Variants in VPS41 observed in about 807,000 individuals in gnomAD.
The protein encoded by VPS41 is VPS41 subunit of HOPS complex, also known as vacuolar protein sorting-associated protein 41 homolog.
A neutral mutation model predicts 130.9 loss-of-function variants in VPS41; 85 were observed. That is an observed-to-expected ratio of 0.65 (90% CI 0.55 to 0.78). The LOEUF (loss-of-function observed/expected upper bound fraction) is 0.78, where lower values mean the gene tolerates loss of function less well. Ranked by LOEUF, VPS41 falls within the 30% of genes least tolerant of loss-of-function variation. VPS41 has a pLI of 0.00. For synonymous variants in VPS41, 335 were observed against 332.9 expected (o/e 1.01, Z -0.07); for missense variants, 874 against 1,018.7 (o/e 0.86, Z 1.93).
chr7:38,812,508 C>T (rs1784964312), intron 7 of VPS41, among the ~76,000 whole-genome samples: 1 of 151,982 alleles, frequency 6.6e-6, no homozygotes, highest in South Asian at 2.1e-4. Flanking sequence ...GATACAACAC[C>T]AATAGCACAA....
rs1307760595 is a variant in VPS41 at position 38,725,213 on chromosome 7, C to T, written c.*1033G>A. 1 of 152,190 alleles carries T rather than the reference C, an allele frequency of 6.6e-6. No homozygotes were observed. 9.4% of individuals were successfully genotyped at this position (152,190 alleles called of 1,614,324 possible). A position where few individuals can be genotyped will look rare whatever the true frequency, so the allele number is the denominator to read the frequency against. On this transcript the variant is annotated 3_prime_UTR_variant, in exon 29 of 29. Coordinates refer to ENST00000310301, the MANE Select transcript of VPS41 (RefSeq NM_014396.4). ...AGGATGTGTTTTGCGCACTTTTACA[C>T]TCATTAGAGGATGACCATATATCCC...
At chr7:38,836,695 C>T (rs1785503023) in intron 4 of VPS41, among the ~76,000 whole-genome samples, 1 of 151,342 alleles carries the variant, frequency 6.6e-6, no homozygotes, top group Non-Finnish European at 1.5e-5. Context: ...AGTCAATGTG[C>T]ATAAATTGTA....
At chr7:38,844,486 A>T (rs921586488) in intron 4 of VPS41, among the ~76,000 whole-genome samples, 5 of 152,232 alleles carry the variant, frequency 3.3e-5, no homozygotes, top group Non-Finnish European at 7.3e-5. Flanking sequence ...CTATTAGAAT[A>T]TAAACGTCCT....
intron 4 of VPS41, among the ~76,000 whole-genome samples, chr7:38,850,792 A>C (rs1351071978): frequency 6.6e-6 from 1 of 152,226 alleles, no homozygotes; most frequent in Non-Finnish European, 1.5e-5. Flanking sequence ...TCTCAAGAGT[A>C]AACAGCCTCA....
chr7:38,814,378 G>A lies in VPS41; in HGVS notation c.450+3439C>T, dbSNP rs78508701. Among the ~76,000 whole-genome samples the A allele has an allele frequency of 6.6e-5, 10 of 152,212 alleles. No homozygotes were observed. The East Asian group carries it at 9.6e-4, about 15-fold the overall frequency. On this transcript the variant is annotated intron_variant, in intron 7 of 28. Transcript: ENST00000310301. ...GATTATTAAAGAACACAGGCCGGGCGTGGTGGCTCACGCCTGTAAGCCCAG... is the reference window on the plus strand; with the variant it reads ...GATTATTAAAGAACACAGGCCGGGCATGGTGGCTCACGCCTGTAAGCCCAG...
rs182090895 is a variant in VPS41, at chr7:38,800,371, G to A, written c.451-3507C>T. Among the ~76,000 whole-genome samples the A allele has an allele frequency of 2.7e-4, 41 of 152,144 alleles. 2 individuals are homozygous for A. In the East Asian group the frequency reaches 6.6e-3, roughly 24 times the overall value. On this transcript the variant is annotated intron_variant, in intron 7 of 28. Transcript: ENST00000310301. ...ATACATGACAAAGTAATCCTAATTC[G>A]ATAAATGCGTGCTGAAATTTTATAT...
At chr7:38,833,958 T>C (rs1458220926) in intron 4 of VPS41, among the ~76,000 whole-genome samples, 1 of 152,102 alleles carries the variant, frequency 6.6e-6, no homozygotes, top group African/African-American at 2.4e-5. Context: ...AGCCAGCCTA[T>C]AGAGAAAATC....
chr7:38,859,377 C>T (rs1207998821), intron 4 of VPS41, among the ~76,000 whole-genome samples: 1 of 152,020 alleles, frequency 6.6e-6, no homozygotes, highest in East Asian at 1.9e-4. Flanking sequence ...TGTCCTAAGC[C>T]TTCACATTCA....
chr7:38,725,712 G>A lies in VPS41; in HGVS notation c.*534C>T, dbSNP rs1460295347. On this transcript the variant is annotated 3_prime_UTR_variant, in exon 29 of 29. Transcript: ENST00000310301. Reference sequence around the variant, plus strand: ...ATGTTATTCCCAGGTGTCATCAAATGAGTGACAATTTGTACAATGTTTCAT... The same window carrying A: ...ATGTTATTCCCAGGTGTCATCAAATAAGTGACAATTTGTACAATGTTTCAT... 6.5e-6 allele frequency: 1 copy of A among 153,656 alleles called. No individual in the cohort carries two copies. The highest frequency in any genetic ancestry group is 2.4e-5 in the African/African-American group (1 of 41,460). 9.5% of individuals were successfully genotyped at this position (153,656 alleles called of 1,614,324 possible). A position where few individuals can be genotyped will look rare whatever the true frequency, so the allele number is the denominator to read the frequency against.
intron 21 of VPS41, among the ~76,000 whole-genome samples, chr7:38,752,530 C>G (rs1562572033): frequency 6.6e-6 from 1 of 152,180 alleles, no homozygotes. Flanking sequence ...AAACCTGACT[C>G]TGCCACGTAC....
chr7:38,745,533 G>T, intron 23 of VPS41, 26 bp downstream of exon 23: 1 of 1,592,524 alleles, frequency 6.3e-7, no homozygotes, highest in Non-Finnish European at 8.6e-7. Context: ...AGTTTATGGG[G>T]ACCAAAATGA....
intron 4 of VPS41, among the ~76,000 whole-genome samples, chr7:38,836,183 T>C (rs944349055): frequency 2.6e-5 from 4 of 152,068 alleles, no homozygotes; most frequent in Non-Finnish European, 5.9e-5. Flanking sequence ...TTATTTGCTA[T>C]ATTACTCAAA....
intron 7 of VPS41, among the ~76,000 whole-genome samples, chr7:38,806,277 G>T (rs1333031588): frequency 6.6e-6 from 1 of 152,120 alleles, no homozygotes; most frequent in Non-Finnish European, 1.5e-5. Flanking sequence ...AGAATCAATG[G>T]TAGGAAAACA....
At chr7:38,771,280 TAAAAA>T in intron 13 of VPS41, 26 bp from the exon 14 acceptor site, 1 of 1,298,440 alleles carries the variant, frequency 7.7e-7, no homozygotes, top group Non-Finnish European at 1.1e-6. Flanking sequence ...AAGGATGATT[TAAAAA>T]AAAAAAAAAG....
chr7:38,773,111 C>G (rs926621017), intron 12 of VPS41, among the ~76,000 whole-genome samples: 1 of 152,108 alleles, frequency 6.6e-6, no homozygotes, highest in Non-Finnish European at 1.5e-5. Flanking sequence ...CCATGGTCAG[C>G]GATAAATGTT....
chr7:38,736,177 T>C (rs1795759567), intron 25 of VPS41, among the ~76,000 whole-genome samples: 1 of 152,198 alleles, frequency 6.6e-6, no homozygotes, highest in South Asian at 2.1e-4. Flanking sequence ...AAACAAAAGA[T>C]ATTTTAGAGA....
At chr7:38,758,039 G>GCCTT (rs1783837400) in intron 18 of VPS41, among the ~76,000 whole-genome samples, 1 of 152,172 alleles carries the variant, frequency 6.6e-6, no homozygotes, top group African/African-American at 2.4e-5. Context: ...AGAATCCAGA[G>GCCTT]CCTTGCTCAT....
intron 13 of VPS41, 82 bp downstream of exon 13, chr7:38,772,440 A>G (rs377237361): frequency 4.1e-6 from 4 of 980,816 alleles, no homozygotes; most frequent in Middle Eastern, 2.9e-4. Flanking sequence ...ACTACATAAA[A>G]GATTTATTAC....
At chr7:38,864,112 C>T (rs1218333006) in intron 3 of VPS41, among the ~76,000 whole-genome samples, 2 of 152,116 alleles carry the variant, frequency 1.3e-5, no homozygotes. Context: ...CTCACTGCTC[C>T]CCAAGTATTT....
Sources: gnomAD v4.1 joint callset for allele counts (sites outside exome capture counted in the v4.1 genomes callset) on GRCh38, gnomAD v4.1.1 for gene constraint, MANE v1.5 for transcripts, NCBI Gene and HGNC (gene_info 2026-07-23, HGNC 2026-07-21) for gene names.